Variants in ABCA4 observed in about 807,000 individuals in gnomAD.
ABCA4 encodes the protein ATP binding cassette subfamily A member 4.
Under a neutral mutation model 263.7 loss-of-function variants are expected in ABCA4, and 196 were observed. The observed-to-expected ratio is 0.74, with a 90% CI of 0.66 to 0.84. The LOEUF (loss-of-function observed/expected upper bound fraction) is 0.84, where lower values mean the gene tolerates loss of function less well. Among genes scored for constraint, ABCA4 ranks in the 40% least tolerant of loss-of-function variants. ABCA4 has a pLI of 0.00. For missense variants in ABCA4, 2,792 were observed against 2,855.1 expected, an observed-to-expected ratio of 0.98 and a Z score of 0.50; for synonymous variants, 1,133 against 1,094.2, an observed-to-expected ratio of 1.04 and a Z score of -0.70.
chr1:94,064,392 G>C (rs1223944915), intron 11 of ABCA4, among the ~76,000 whole-genome samples: 2 of 152,222 alleles, frequency 1.3e-5, no homozygotes, highest in South Asian at 2.1e-4. Flanking sequence ...TTCCTGGAGG[G>C]ATCAGGGAAG....
At chr1:94,079,518 A>C in intron 8 of ABCA4, 57 bp from the exon 9 acceptor site, 1 of 1,611,228 alleles carries the variant, frequency 6.2e-7, no homozygotes, top group Non-Finnish European at 8.5e-7. Context: ...GTAACTCAAT[A>C]TAGTCATTAG....
intron 16 of ABCA4, among the ~76,000 whole-genome samples, chr1:94,053,564 C>T (rs776704367): frequency 4.6e-5 from 7 of 152,218 alleles, no homozygotes; most frequent in Non-Finnish European, 1.0e-4. Context: ...GGCACCTAAT[C>T]CAATCCAGTT....
At chr1:94,098,207 T>G (rs1033122575) in intron 6 of ABCA4, among the ~76,000 whole-genome samples, 1 of 152,208 alleles carries the variant, frequency 6.6e-6, no homozygotes, top group Non-Finnish European at 1.5e-5. Flanking sequence ...AACAAAGGGT[T>G]GAGCTAGATC....
chr1:94,078,563 C>T (rs771449136), intron 10 of ABCA4, 27 bp downstream of exon 10: 2 of 848,336 alleles, frequency 2.4e-6, no homozygotes, highest in Non-Finnish European at 3.8e-6. Flanking sequence ...TCCTCCCCTC[C>T]CCTCCCCATC....
intron 36 of ABCA4, among the ~76,000 whole-genome samples, chr1:94,017,672 A>T (rs991854442): frequency 6.6e-6 from 1 of 152,112 alleles, no homozygotes. Flanking sequence ...TTGTGGTTGT[A>T]TGGGGTGTAT....
At chr1:94,093,146 A>AG (rs1461046770) in intron 6 of ABCA4, among the ~76,000 whole-genome samples, 5 of 152,156 alleles carry the variant, frequency 3.3e-5, no homozygotes, top group African/African-American at 1.2e-4. Context: ...AGGATGCTGA[A>AG]GGGGGCAGGG....
chr1:93,993,771 T>C (rs140316562), intron 49 of ABCA4, among the ~76,000 whole-genome samples: 1 of 152,068 alleles, frequency 6.6e-6, no homozygotes, highest in African/African-American at 2.4e-5. Flanking sequence ...TTAATAAAGA[T>C]GTCCATGTTC....
At chr1:94,047,708 C>A (rs1660726159) in intron 18 of ABCA4, among the ~76,000 whole-genome samples, 1 of 152,170 alleles carries the variant, frequency 6.6e-6, no homozygotes, top group Non-Finnish European at 1.5e-5. Flanking sequence ...ACTAAGGCTT[C>A]TTGCTCCTCA....
intron 1 of ABCA4, among the ~76,000 whole-genome samples, chr1:94,117,442 A>G (rs1302592794): frequency 6.7e-6 from 1 of 149,720 alleles, no homozygotes; most frequent in Non-Finnish European, 1.5e-5. Flanking sequence ...TGTCCAAAAC[A>G]TGATTAGCGC....
chr1:93,996,105 G>C lies in ABCA4; in HGVS notation c.6816+4C>G. 6.2e-7 allele frequency: 1 copy of C among 1,613,642 alleles called. No individual in the cohort carries two copies. The highest frequency in any genetic ancestry group is 8.5e-7 in the Non-Finnish European group (1 of 1,179,842). On this transcript the variant is annotated splice_donor_region_variant and intron_variant, in intron 49 of 49. Coordinates refer to ENST00000370225, the MANE Select transcript of ABCA4 (RefSeq NM_000350.3). Reference sequence around the variant, plus strand: ...GCTGTGGACTGCATAAGCAGCAGGGGTACCTGGGCTTGTCGACTGGCTCCA... The same window carrying C: ...GCTGTGGACTGCATAAGCAGCAGGGCTACCTGGGCTTGTCGACTGGCTCCA...
intron 5 of ABCA4, among the ~76,000 whole-genome samples, chr1:94,099,654 C>G (rs1662234972): frequency 1.3e-5 from 2 of 152,326 alleles, no homozygotes; most frequent in South Asian, 4.2e-4. Context: ...AACAAAAGCA[C>G]CAGATGCCCA....
At chr1:94,102,983 C>G in intron 5 of ABCA4, 32 bp downstream of exon 5, 1 of 1,614,044 alleles carries the variant, frequency 6.2e-7, no homozygotes, top group Non-Finnish European at 8.5e-7. Flanking sequence ...TCCCTCCCCT[C>G]CAGGGACCAC....
rs1660368021 is a variant in ABCA4, at chr1:94,037,340, AT to A, written c.3617del (p.Asn1206MetfsTer3). 1 of 1,614,014 alleles carries A rather than the reference AT, an allele frequency of 6.2e-7. No individual in the cohort carries two copies. The highest frequency in any genetic ancestry group is 8.5e-7 in the Non-Finnish European group (1 of 1,180,016). ...GGTGGAGAACTACATCCATCAGCTC[AT>A]TTACATCCCCTAGGACAAGAAAAAA... ...TPEQVLDGDV[N>X]ELMDVVLHHV... is the part of the protein sequence containing the mutation. On this transcript the variant is annotated frameshift_variant, in exon 25 of 50. Coordinates refer to ENST00000370225, the MANE Select transcript of ABCA4 (RefSeq NM_000350.3). LOFTEE classifies it high-confidence loss of function.
intron 47 of ABCA4, among the ~76,000 whole-genome samples, chr1:93,999,915 A>G (rs1345016547): frequency 6.6e-6 from 1 of 152,250 alleles, no homozygotes; most frequent in Non-Finnish European, 1.5e-5. Context: ...ATAGATATCT[A>G]TGCAGTGTCC....
intron 6 of ABCA4, among the ~76,000 whole-genome samples, chr1:94,089,744 G>A (rs1013911768): frequency 5.9e-5 from 9 of 152,068 alleles, no homozygotes; most frequent in African/African-American, 1.7e-4. Flanking sequence ...TTATAGGTGT[G>A]AGCCACTGCA....
intron 5 of ABCA4, among the ~76,000 whole-genome samples, 174 bp downstream of exon 5, chr1:94,102,841 T>C (rs866243694): frequency 2.6e-5 from 4 of 152,354 alleles, no homozygotes; most frequent in Middle Eastern, 3.4e-3. Context: ...ATGTTGAAAA[T>C]GATCACGATC....
intron 11 of ABCA4, among the ~76,000 whole-genome samples, chr1:94,072,547 A>G (rs892243660): frequency 4.6e-5 from 7 of 152,246 alleles, no homozygotes; most frequent in African/African-American, 1.7e-4. Context: ...GGCAATAAGA[A>G]GAATAATGTA....
rs767980304 is a variant in ABCA4, at chr1:94,021,854, C to T, written c.4765G>A (p.Val1589Met). 2.3e-5 allele frequency: 37 copies of T among 1,614,064 alleles called. No homozygotes were observed. Among genetic ancestry groups the T allele is most frequent in the Admixed American group, 3.3e-5 (2 of 60,002 alleles). The stretch of plus-strand genomic sequence containing the variant: ...CCAGTCTGTTTACATACCCCGCTCA[C>T]ATTCATGATCCGGCCAAGGTCGCTT... ...FLSDLGRIMNVSGGPITREAS... is the reference protein window; with the variant it reads ...FLSDLGRIMNMSGGPITREAS... The change falls in exon 33 of 50, where the codon GTG (valine) becomes ATG (methionine). Residue 1589 changes from valine (V) to methionine (M), a missense_variant. Val to Met is a conservative substitution (Grantham distance 21, BLOSUM62 1). Coordinates refer to ENST00000370225, the MANE Select transcript of ABCA4 (RefSeq NM_000350.3).
At chr1:94,114,723 G>C (rs977391248) in intron 1 of ABCA4, among the ~76,000 whole-genome samples, 3 of 152,152 alleles carry the variant, frequency 2.0e-5, no homozygotes, top group Admixed American at 6.5e-5. Flanking sequence ...TCCTGACCTG[G>C]TGATCCGCCT....
Sources: gnomAD v4.1 joint callset for allele counts (sites outside exome capture counted in the v4.1 genomes callset) on GRCh38, gnomAD v4.1.1 for gene constraint, MANE v1.5 for transcripts, NCBI Gene and HGNC (gene_info 2026-07-23, HGNC 2026-07-21) for gene names.